RYR3: variants seen among roughly 807,000 people sequenced by gnomAD.
The protein encoded by RYR3 is ryanodine receptor 3.
In RYR3, 207 loss-of-function variants were observed where a neutral mutation model predicts 584.3. That is an observed-to-expected ratio of 0.35 (90% CI 0.32 to 0.40). The LOEUF is 0.40. RYR3 is among the 10% of genes least tolerant of loss of function. The pLI is 1.00. For missense variants in RYR3, 5,616 were observed against 6,089.2 expected (o/e 0.92, Z 2.59); for synonymous variants, 2,416 against 2,248.5 (o/e 1.07, Z -2.11).
chr15:33,828,252 T>C (rs753518786), intron 85 of RYR3, among the ~76,000 whole-genome samples: 2 of 152,138 alleles, frequency 1.3e-5, no homozygotes, highest in Non-Finnish European at 2.9e-5. Context: ...TCTCCCTCCT[T>C]CTCCTCAGGC....
At chr15:33,540,435 TGTGG>T (rs2055722649) in intron 6 of RYR3, among the ~76,000 whole-genome samples, 1 of 152,120 alleles carries the variant, frequency 6.6e-6, no homozygotes, top group African/African-American at 2.4e-5. Context: ...AAGTAAAATC[TGTGG>T]GCAGATTTTA....
chr15:33,748,606 A>G (rs1220773788), intron 55 of RYR3, 76 bp downstream of exon 55: 3 of 1,226,400 alleles, frequency 2.4e-6, no homozygotes, highest in Non-Finnish European at 3.5e-6. Context: ...AAGGGGGAAA[A>G]AAGGGAAAGA....
intron 18 of RYR3, among the ~76,000 whole-genome samples, chr15:33,607,139 C>T (rs925381177): frequency 2.0e-5 from 3 of 152,164 alleles, no homozygotes; most frequent in African/African-American, 7.2e-5. Context: ...TTTGGATCCC[C>T]TGTCATTCCA....
intron 28 of RYR3, among the ~76,000 whole-genome samples, chr15:33,646,081 C>T (rs924653696): frequency 5.9e-5 from 9 of 152,234 alleles, no homozygotes; most frequent in Non-Finnish European, 1.0e-4. Context: ...TGCCACCCCC[C>T]TCTGGCATTT....
intron 102 of RYR3, among the ~76,000 whole-genome samples, 173 bp from the exon 103 acceptor site, chr15:33,863,965 G>GCTACTATT (rs1889483051): frequency 6.6e-6 from 1 of 152,280 alleles, no homozygotes; most frequent in Admixed American, 6.5e-5. Context: ...ATTCATGTGT[G>GCTACTATT]CTACTATTAG....
chr15:33,858,282 G>GCAACCTCCGCCTCTCAGGTT (rs2079928164), intron 99 of RYR3: 1 of 188,342 alleles, frequency 5.3e-6, no homozygotes, highest in African/African-American at 2.3e-5. Context: ...TCAGCTCATT[G>GCAACCTCCGCCTCTCAGGTT]CAACCTCCGC....
chr15:33,840,761 A>C, intron 89 of RYR3, 64 bp from the exon 90 acceptor site: 3 of 1,503,046 alleles, frequency 2.0e-6, no homozygotes, highest in South Asian at 2.3e-5. Flanking sequence ...TGGCCAAGAA[A>C]ATGTCTCATC....
At chr15:33,756,707 C>T (rs972430462) in intron 59 of RYR3, among the ~76,000 whole-genome samples, 1 of 152,080 alleles carries the variant, frequency 6.6e-6, no homozygotes, top group African/African-American at 2.4e-5. Context: ...CAAGCTGTTG[C>T]TTTTTAAAAG....
rs1345767804 is a variant in RYR3, at chr15:33,731,574, C to T, written c.7304C>T (p.Thr2435Ile). The T allele has an allele frequency of 6.2e-7, 1 of 1,613,714 alleles. No individual in the cohort carries two copies. Among genetic ancestry groups the T allele is most frequent in the Non-Finnish European group, 8.5e-7 (1 of 1,179,738 alleles). ...LTRCAPLFAG[T>I]EHCTSLIDST... is the part of the protein sequence containing the mutation. Reference sequence around the variant, plus strand: ...AGATGTGCCCCTCTCTTTGCCGGAACAGAACACTGCACCTCTCTGATTGAT... The same window carrying T: ...AGATGTGCCCCTCTCTTTGCCGGAATAGAACACTGCACCTCTCTGATTGAT... Residue 2435 changes from threonine to isoleucine, a missense_variant, in exon 48 of 104, where the codon ACA becomes ATA. Around this residue, in one of 9 missense-constraint regions of RYR3, gnomAD observed 1,280 missense variants for 1,426.2 expected, o/e 0.90. Transcript: ENST00000634891.
At chr15:33,769,657 GAA>G (rs1251262923) in intron 62 of RYR3, among the ~76,000 whole-genome samples, 2 of 152,190 alleles carry the variant, frequency 1.3e-5, no homozygotes, top group Admixed American at 6.5e-5. Flanking sequence ...TGATGAGACT[GAA>G]AAGAGAGACG....
intron 32 of RYR3, 66 bp from the exon 33 acceptor site, chr15:33,659,654 A>G (rs1390644503): frequency 6.7e-6 from 7 of 1,052,370 alleles, no homozygotes; most frequent in Admixed American, 1.8e-5. Flanking sequence ...AAAACACCCA[A>G]TGGCTGAGCC....
chr15:33,701,097 G>T lies in RYR3; in HGVS notation c.6483+17G>T. The T allele has an allele frequency of 6.4e-7, 1 of 1,567,564 alleles. No individual in the cohort carries two copies. The highest frequency in any genetic ancestry group is 8.8e-7 in the Non-Finnish European group (1 of 1,140,796). On this transcript the variant is annotated intron_variant, in intron 42 of 103. Coordinates refer to ENST00000634891, the MANE Select transcript of RYR3 (RefSeq NM_001036.6). Reference sequence around the variant, plus strand: ...CTCGAGAAGGTAACCGGCCCTTGGGGTGGCAGTGTGGTGTTCTCTTCGGCC... The same window carrying T: ...CTCGAGAAGGTAACCGGCCCTTGGGTTGGCAGTGTGGTGTTCTCTTCGGCC...
chr15:33,601,167 G>A (rs1289633746), intron 16 of RYR3, among the ~76,000 whole-genome samples: 1 of 152,154 alleles, frequency 6.6e-6, no homozygotes, highest in East Asian at 1.9e-4. Flanking sequence ...GCATCGTTTG[G>A]AGGGAAGGGG....
chr15:33,429,446 C>G (rs967731402), intron 1 of RYR3, among the ~76,000 whole-genome samples: 11 of 152,242 alleles, frequency 7.2e-5, no homozygotes, highest in Middle Eastern at 6.3e-3. Flanking sequence ...ACAGCGGGAA[C>G]ACAAAGCTGA....
Position 33,311,555 on chromosome 15 carries a change from G to A in RYR3, c.51+459G>A, listed in dbSNP as rs1228516805. Among the ~76,000 whole-genome samples the A allele has an allele frequency of 6.6e-6, 1 of 152,188 alleles. No homozygotes were observed. Among genetic ancestry groups the A allele is most frequent in the Non-Finnish European group, 1.5e-5 (1 of 68,016 alleles). ...CGCACAGGGGAACCTCCGGGAAGGA[G>A]CCAGCGGGGCAGGGGGGAGTGTGGG... is the stretch of plus-strand genomic sequence containing the variant. On this transcript the variant is annotated intron_variant, in intron 1 of 103. Transcript: ENST00000634891. The surrounding 1 kb of genome is among the most constrained non-coding windows in gnomAD (Gnocchi z 4.4).
intron 3 of RYR3, among the ~76,000 whole-genome samples, chr15:33,511,840 G>A (rs994091902): frequency 2.0e-5 from 3 of 152,052 alleles, no homozygotes; most frequent in African/African-American, 2.4e-5. Flanking sequence ...GTGCAGTGGC[G>A]CGATCTCGGC....
At chr15:33,824,023 C>A (rs66462142) in intron 81 of RYR3, among the ~76,000 whole-genome samples, 2,916 of 152,024 alleles carry the variant, frequency 0.019, 108 homozygotes, top group African/African-American at 0.068. Context: ...TGGGGCTTTT[C>A]CCCACCAACA....
chr15:33,845,165 G>A lies in RYR3; in HGVS notation c.13497+103G>A, dbSNP rs2078638326. 2.6e-6 allele frequency: 3 copies of A among 1,153,050 alleles called. No homozygotes were observed. The South Asian group carries it at 4.1e-5, about 16-fold the overall frequency. The allele number at this position is 1,153,050 out of a possible 1,614,324, so 71.4% of individuals were successfully genotyped here. ...CTCTAAGACTTTGCTAGCCGTAAAG[G>A]CCTTCGTAAGGTCCGTAGAGCAGCA... On this transcript the variant is annotated intron_variant, in intron 93 of 103. Coordinates refer to ENST00000634891, the MANE Select transcript of RYR3 (RefSeq NM_001036.6).
chr15:33,418,528 G>C (rs2043993642), intron 1 of RYR3, among the ~76,000 whole-genome samples: 2 of 152,068 alleles, frequency 1.3e-5, no homozygotes. Flanking sequence ...AAGAGTTGAG[G>C]GTGGCCAGAC....
Sources: allele counts gnomAD v4.1 joint callset (sites outside exome capture counted in the v4.1 genomes callset), GRCh38; gene constraint gnomAD v4.1.1; regional missense constraint gnomAD v4.1.1; non-coding constraint Gnocchi (gnomAD v3.1); transcripts MANE v1.5; gene names NCBI Gene and HGNC (gene_info 2026-07-23, HGNC 2026-07-21).